CWC27: variants seen among roughly 807,000 people sequenced by gnomAD.
CWC27 encodes CWC27 spliceosome associated cyclophilin, also known as spliceosome-associated protein CWC27 homolog.
Under a neutral mutation model 63.6 loss-of-function variants are expected in CWC27, and 47 were observed. The observed-to-expected ratio is 0.74, with a 90% CI of 0.58 to 0.94. The LOEUF (loss-of-function observed/expected upper bound fraction) is 0.94. Ranked by LOEUF, CWC27 falls within the 40% of genes least tolerant of loss-of-function variation. CWC27 has a pLI of 0.00. For missense variants in CWC27, 495 were observed against 554.3 expected (o/e 0.89, Z 1.07); for synonymous variants, 175 against 179.8 (o/e 0.97, Z 0.22).
At chr5:64,844,661 A>G (rs972053538) in intron 10 of CWC27, among the ~76,000 whole-genome samples, 2 of 152,218 alleles carry the variant, frequency 1.3e-5, no homozygotes, top group African/African-American at 4.8e-5. Context: ...AGAGAATTAA[A>G]TGGTCTAGAC....
At chr5:64,786,673 C>A in intron 6 of CWC27, 46 bp downstream of exon 6, 2 of 1,149,000 alleles carry the variant, frequency 1.7e-6, no homozygotes, top group East Asian at 2.5e-5. Context: ...AAATGACACT[C>A]ATTCATTTAG....
chr5:64,804,475 TA>T, intron 10 of CWC27, 89 bp downstream of exon 10: 1 of 1,262,142 alleles, frequency 7.9e-7, no homozygotes, highest in Non-Finnish European at 1.1e-6. Context: ...AGCTAATTTT[TA>T]AAATACTATT....
chr5:64,911,872 A>G (rs1014544260), intron 11 of CWC27, among the ~76,000 whole-genome samples: 1 of 152,098 alleles, frequency 6.6e-6, no homozygotes, highest in African/African-American at 2.4e-5. Flanking sequence ...CAGGAGATGG[A>G]GACCATCCTG....
rs562548902 is a variant in CWC27, at chr5:64,807,826, G to T, written c.938+3440G>T. 124 of 1,531,154 alleles carry T rather than the reference G, an allele frequency of 8.1e-5. No individual in the cohort carries two copies. The African/African-American group carries it at 1.5e-3, about 18-fold the overall frequency. The allele number at this position is 1,531,154 out of a possible 1,614,324, so 94.8% of individuals were successfully genotyped here. ...AAATGAGAGTAAATTTCTTCAACCC[G>T]TATTTCTTTCTCTTCCCCGCTTCGA... On this transcript the variant is annotated intron_variant, in intron 10 of 13. Coordinates refer to ENST00000381070, the MANE Select transcript of CWC27 (RefSeq NM_005869.4).
In CWC27 at chr5:64,793,415, G is replaced by C. The variant is rs578023843; in HGVS notation, c.669+4395G>C. Reference sequence around the variant, plus strand: ...TACTGTTGAAATTTACTGGCTTAGAGAAAGGGAAATTGTTTTTAAGTACAT... The same window carrying C: ...TACTGTTGAAATTTACTGGCTTAGACAAAGGGAAATTGTTTTTAAGTACAT... On this transcript the variant is annotated intron_variant, in intron 7 of 13. Coordinates refer to ENST00000381070, the MANE Select transcript of CWC27 (RefSeq NM_005869.4). Among the ~76,000 whole-genome samples the C allele has an allele frequency of 3.3e-5, 5 of 152,292 alleles. No homozygotes were observed. The South Asian group carries it at 1.0e-3, about 32-fold the overall frequency.
At chr5:64,911,820 A>G (rs982877805) in intron 11 of CWC27, among the ~76,000 whole-genome samples, 1 of 152,234 alleles carries the variant, frequency 6.6e-6, no homozygotes, top group East Asian at 1.9e-4. Context: ...CAAGCCTGTA[A>G]TCCCAGCACT....
intron 11 of CWC27, among the ~76,000 whole-genome samples, chr5:64,909,580 G>A (rs916021303): frequency 6.6e-6 from 1 of 152,112 alleles, no homozygotes; most frequent in Non-Finnish European, 1.5e-5. Context: ...CCAATCAAAC[G>A]TACAGCATGG....
chr5:65,014,067 C>T (rs1750009500), intron 13 of CWC27, among the ~76,000 whole-genome samples: 1 of 151,610 alleles, frequency 6.6e-6, no homozygotes, highest in African/African-American at 2.4e-5. Flanking sequence ...TTTGAAAAAT[C>T]AGTTGTTTAC....
chr5:64,830,630 T>C (rs995435165), intron 10 of CWC27, among the ~76,000 whole-genome samples: 6 of 151,892 alleles, frequency 4.0e-5, no homozygotes, highest in Admixed American at 3.9e-4. Flanking sequence ...ACCATCAGAG[T>C]GAACAGGCCA....
chr5:64,992,227 T>C lies in CWC27; in HGVS notation c.1256+14989T>C, dbSNP rs914574934. ...CGCAGATTTGTTTCTCACAGATCCT[T>C]CAGATAATTAGCACTATTTCCATGT... On this transcript the variant is annotated intron_variant, in intron 13 of 13. Coordinates refer to ENST00000381070, the MANE Select transcript of CWC27 (RefSeq NM_005869.4). Among the ~76,000 whole-genome samples the C allele has an allele frequency of 1.1e-4, 17 of 152,220 alleles. 1 individual carries two copies. Among genetic ancestry groups the C allele is most frequent in the African/African-American group, 2.4e-5 (1 of 41,448 alleles).
chr5:64,965,329 C>T (rs1748992573), intron 11 of CWC27, among the ~76,000 whole-genome samples: 1 of 152,104 alleles, frequency 6.6e-6, no homozygotes. Flanking sequence ...AATCAGAGGA[C>T]AAAAAGTCAA....
At chr5:64,860,234 A>G (rs1746364728) in intron 10 of CWC27, among the ~76,000 whole-genome samples, 1 of 152,212 alleles carries the variant, frequency 6.6e-6, no homozygotes, top group Non-Finnish European at 1.5e-5. Flanking sequence ...ATTTAAATGA[A>G]TTAAAATTAA....
At chr5:64,818,906 C>G (rs1745118626) in intron 10 of CWC27, among the ~76,000 whole-genome samples, 1 of 152,116 alleles carries the variant, frequency 6.6e-6, no homozygotes, top group Non-Finnish European at 1.5e-5. Flanking sequence ...TTAGCCTGTG[C>G]TGTATAGTAT....
At chr5:65,014,409 A>G (rs1479395793) in intron 13 of CWC27, among the ~76,000 whole-genome samples, 1 of 150,368 alleles carries the variant, frequency 6.7e-6, no homozygotes, top group African/African-American at 2.4e-5. Context: ...GTAACACACT[A>G]TAAAGTCAAT....
At position 64,786,172 on chromosome 5, in the gene CWC27, A is replaced by C. The variant is rs560548791; in HGVS notation, c.496-352A>C. Among the ~76,000 whole-genome samples the C allele has an allele frequency of 1.7e-3, 252 of 146,732 alleles. 1 individual carries two copies. The highest frequency in any genetic ancestry group is 5.0e-3 in the African/African-American group (185 of 36,670). On this transcript the variant is annotated intron_variant, in intron 5 of 13. Transcript: ENST00000381070. ...AGAGCAAGACTCCATCTCAAAAAAA[A>C]AAAAAAAAAAAAAGAATGACCCTTC...
chr5:64,890,017 G>T (rs945140560), intron 11 of CWC27, among the ~76,000 whole-genome samples: 2 of 151,990 alleles, frequency 1.3e-5, no homozygotes, highest in Non-Finnish European at 2.9e-5. Context: ...ATTTCTTTAA[G>T]TTTCATATCA....
intron 11 of CWC27, among the ~76,000 whole-genome samples, chr5:64,964,246 T>C (rs1373206899): frequency 6.6e-6 from 1 of 152,362 alleles, no homozygotes; most frequent in East Asian, 1.9e-4. Flanking sequence ...CAGCCATATC[T>C]TGGCATTTTA....
chr5:64,875,034 A>G (rs997310412), intron 10 of CWC27, among the ~76,000 whole-genome samples: 3 of 152,128 alleles, frequency 2.0e-5, no homozygotes, highest in Non-Finnish European at 4.4e-5. Flanking sequence ...ATGAAATAAC[A>G]TATTTGATTC....
At chr5:64,884,426 T>C (rs1208710843) in intron 10 of CWC27, 4 of 152,160 alleles carry the variant, frequency 2.6e-5, no homozygotes, top group Admixed American at 1.3e-4. Flanking sequence ...ACCCAGCAGT[T>C]TGGTAACTAA....
Sources: allele counts gnomAD v4.1 joint callset (sites outside exome capture counted in the v4.1 genomes callset), GRCh38; gene constraint gnomAD v4.1.1; transcripts MANE v1.5; gene names NCBI Gene and HGNC (gene_info 2026-07-23, HGNC 2026-07-21).